The following DLG1 variants were observed in gnomAD, a reference collection of about 807,000 sequenced individuals.
DLG1 encodes disks large homolog 1.
A neutral mutation model predicts 123.4 loss-of-function variants in DLG1; 42 were observed. That is an observed-to-expected ratio of 0.34 (90% confidence interval 0.27 to 0.44). The LOEUF is 0.44. DLG1 is among the 20% of genes least tolerant of loss of function. The pLI is 1.00. For synonymous variants in DLG1, 317 were observed against 356.2 expected, an observed-to-expected ratio of 0.89 and a Z score of 1.24; for missense variants, 942 against 1,082.6, an observed-to-expected ratio of 0.87 and a Z score of 1.82.
At chr3:197,084,672 C>T (rs559966178) in intron 16 of DLG1, among the ~76,000 whole-genome samples, 5 of 151,806 alleles carry the variant, frequency 3.3e-5, no homozygotes, top group African/African-American at 1.2e-4. Flanking sequence ...GGCTGTGAAA[C>T]ACAATATAAA....
At chr3:197,269,719 C>A (rs569250798) in intron 4 of DLG1, among the ~76,000 whole-genome samples, 2 of 152,162 alleles carry the variant, frequency 1.3e-5, no homozygotes, top group Non-Finnish European at 2.9e-5. Context: ...TGGCTCACCT[C>A]GTGTATGTTA....
chr3:197,087,805 G>A (rs554779562), intron 15 of DLG1, among the ~76,000 whole-genome samples: 2 of 152,264 alleles, frequency 1.3e-5, no homozygotes, highest in South Asian at 4.1e-4. Context: ...GCAGGGATAA[G>A]TTACTGTACT....
chr3:197,107,661 A>G (rs1029957298), intron 13 of DLG1, among the ~76,000 whole-genome samples: 2 of 152,102 alleles, frequency 1.3e-5, no homozygotes, highest in Non-Finnish European at 2.9e-5. Context: ...TTATAAATCA[A>G]TGTTTTCTTT....
At chr3:197,117,961 G>A (rs1470752634) in intron 12 of DLG1, among the ~76,000 whole-genome samples, 13 of 151,920 alleles carry the variant, frequency 8.6e-5, no homozygotes, top group Non-Finnish European at 1.5e-5. Flanking sequence ...CAAAATGTAG[G>A]TATGTTGTGA....
At chr3:197,141,028 T>C (rs545913280) in intron 7 of DLG1, among the ~76,000 whole-genome samples, 1 of 152,334 alleles carries the variant, frequency 6.6e-6, no homozygotes, top group Admixed American at 6.5e-5. Flanking sequence ...TTAAAAATAA[T>C]TGATTTAACC....
chr3:197,229,949 C>T (rs1431468642), intron 4 of DLG1, among the ~76,000 whole-genome samples: 2 of 152,154 alleles, frequency 1.3e-5, no homozygotes, highest in African/African-American at 4.8e-5. Flanking sequence ...CATAATTTAT[C>T]CATGGTGTCA....
chr3:197,244,314 GC>G (rs1377779861), intron 4 of DLG1, among the ~76,000 whole-genome samples: 9 of 152,304 alleles, frequency 5.9e-5, no homozygotes, highest in African/African-American at 2.2e-4. Flanking sequence ...TACAGTTCAT[GC>G]CTGGTAGACT....
At chr3:197,203,950 A>AGTC (rs1467703857) in intron 4 of DLG1, among the ~76,000 whole-genome samples, 2 of 152,202 alleles carry the variant, frequency 1.3e-5, no homozygotes, top group African/African-American at 4.8e-5. Flanking sequence ...CTATGCAAAG[A>AGTC]GTCATACTGG....
intron 2 of DLG1, 140 bp downstream of exon 2, chr3:197,297,046 G>C: frequency 1.1e-6 from 1 of 872,836 alleles, no homozygotes; most frequent in Non-Finnish European, 1.8e-6. Flanking sequence ...AATGATATGA[G>C]GCTTAGATTC....
At chr3:197,282,904 T>C (rs1770069100) in intron 3 of DLG1, 59 bp from the exon 4 acceptor site, 5 of 1,056,742 alleles carry the variant, frequency 4.7e-6, no homozygotes, top group Non-Finnish European at 5.4e-6. Flanking sequence ...AATTATGCAA[T>C]GCTATAACAA....
intron 5 of DLG1, among the ~76,000 whole-genome samples, chr3:197,151,153 G>A (rs1045777791): frequency 4.6e-5 from 7 of 151,940 alleles, no homozygotes; most frequent in African/African-American, 1.7e-4. Context: ...GGTATTTTAC[G>A]TTGCTAAAAA....
Position 197,138,401 on chromosome 3 carries a change from CAATTA to C in DLG1, c.714-15_714-11del, listed in dbSNP as rs1553949046. 3 of 1,312,038 alleles carry C rather than the reference CAATTA, an allele frequency of 2.3e-6. No homozygotes were observed. The highest frequency in any genetic ancestry group is 5.9e-5 in the Admixed American group (2 of 34,020). 81.3% of individuals were successfully genotyped at this position (1,312,038 alleles called of 1,614,324 possible). On this transcript the variant is annotated splice_polypyrimidine_tract_variant and intron_variant, in intron 8 of 24. Coordinates refer to ENST00000667157, the MANE Select transcript of DLG1 (RefSeq NM_001366207.1). ...TATACAGTCATTGACCCTGAGAAAA[CAATTA>C]AATATTAAAAATAAAAATTAAATAT...
intron 4 of DLG1, among the ~76,000 whole-genome samples, chr3:197,252,246 T>G (rs1754795681): frequency 6.6e-6 from 1 of 152,168 alleles, no homozygotes; most frequent in African/African-American, 2.4e-5. Flanking sequence ...TTTTACTGCT[T>G]TTACTTTGGA....
intron 4 of DLG1, among the ~76,000 whole-genome samples, chr3:197,254,864 G>C (rs1013370134): frequency 6.6e-6 from 1 of 151,930 alleles, no homozygotes; most frequent in African/African-American, 2.4e-5. Context: ...CCTGGCCAAT[G>C]TGGTGAAACC....
At chr3:197,117,801 ATAGT>A (rs1298648500) in intron 12 of DLG1, among the ~76,000 whole-genome samples, 1 of 152,214 alleles carries the variant, frequency 6.6e-6, no homozygotes, top group African/African-American at 2.4e-5. Context: ...ACACTTAAAA[ATAGT>A]TAAAATGTCA....
intron 5 of DLG1, among the ~76,000 whole-genome samples, chr3:197,158,719 T>C (rs971992807): frequency 1.3e-5 from 2 of 151,120 alleles, no homozygotes; most frequent in African/African-American, 2.4e-5. Context: ...TCTCACATTA[T>C]GCGGGAGCTA....
At chr3:197,182,155 A>G (rs1166617275) in intron 5 of DLG1, among the ~76,000 whole-genome samples, 1 of 152,192 alleles carries the variant, frequency 6.6e-6, no homozygotes, top group Non-Finnish European at 1.5e-5. Context: ...AAAGTTCTAA[A>G]GATATCTGTC....
At chr3:197,276,864 C>T (rs1766676659) in intron 4 of DLG1, among the ~76,000 whole-genome samples, 1 of 151,786 alleles carries the variant, frequency 6.6e-6, no homozygotes, top group Non-Finnish European at 1.5e-5. Context: ...TATTAAAAAT[C>T]AAAATTTTTA....
chr3:197,199,241 T>C (rs558498165), intron 4 of DLG1, among the ~76,000 whole-genome samples: 5 of 152,166 alleles, frequency 3.3e-5, no homozygotes, highest in Admixed American at 6.5e-5. Flanking sequence ...AAAATACAGT[T>C]ACCAAAACTA....
Sources: gnomAD v4.1 joint callset for allele counts (sites outside exome capture counted in the v4.1 genomes callset) on GRCh38, gnomAD v4.1.1 for gene constraint, MANE v1.5 for transcripts, NCBI Gene and HGNC (gene_info 2026-07-23, HGNC 2026-07-21) for gene names.